The following KIF13A variants were observed in gnomAD, a reference collection of about 807,000 sequenced individuals.
KIF13A encodes the protein kinesin family member 13A.
In KIF13A, 79 loss-of-function variants were observed where a neutral mutation model predicts 212.2. That is an observed-to-expected ratio of 0.37 (90% confidence interval 0.31 to 0.45). The LOEUF (loss-of-function observed/expected upper bound fraction) is 0.45. KIF13A is among the 20% of genes least tolerant of loss of function. The probability of loss-of-function intolerance (pLI) is 1.00; values close to 1 mark genes in which losing one functional copy is unlikely to be tolerated. For synonymous variants in KIF13A, 789 were observed against 808.6 expected (o/e 0.98, Z 0.41); for missense variants, 1,901 against 2,209.0 (o/e 0.86, Z 2.79).
At position 17,874,997 on chromosome 6, in the gene KIF13A, A is replaced by ACG. The variant is rs1364744381; in HGVS notation, c.160-1562_160-1561dup. On this transcript the variant is annotated intron_variant, in intron 3 of 38. Transcript: ENST00000259711. ...TTCCACCACACACACACACACGCAC[A>ACG]CGCACGCACACACACACACACACAC... is the stretch of plus-strand genomic sequence containing the variant. Among the ~76,000 whole-genome samples the ACG allele has an allele frequency of 1.4e-4, 13 of 91,350 alleles. No individual in the cohort carries two copies. In the South Asian group the frequency reaches 2.4e-3, roughly 17 times the overall value. 59.9% of individuals were successfully genotyped at this position (91,350 alleles called of 152,430 possible).
intron 9 of KIF13A, among the ~76,000 whole-genome samples, chr6:17,842,036 T>G (rs557279016): frequency 6.7e-6 from 1 of 149,166 alleles, no homozygotes; most frequent in South Asian, 2.1e-4. Flanking sequence ...TGTGTGTGTA[T>G]ACACTTATAC....
chr6:17,876,543 T>C (rs1044217207), intron 3 of KIF13A, among the ~76,000 whole-genome samples: 2 of 152,184 alleles, frequency 1.3e-5, no homozygotes, highest in Admixed American at 1.3e-4. Flanking sequence ...CTTACAACAC[T>C]GTTTAGTCCT....
At chr6:17,887,550 T>C (rs1260182686) in intron 3 of KIF13A, among the ~76,000 whole-genome samples, 1 of 152,222 alleles carries the variant, frequency 6.6e-6, no homozygotes, top group East Asian at 1.9e-4. Flanking sequence ...CCAGATTAAG[T>C]CCAGACTCCC....
intron 2 of KIF13A, among the ~76,000 whole-genome samples, chr6:17,983,672 G>C (rs1781303067): frequency 6.6e-6 from 1 of 152,018 alleles, no homozygotes; most frequent in South Asian, 2.1e-4. Flanking sequence ...ATTTTTAGGA[G>C]AGACAGGGTT....
chr6:17,834,897 T>C lies in KIF13A; in HGVS notation c.1156-826A>G, dbSNP rs1441184228. Among the ~76,000 whole-genome samples, 2 of 151,956 alleles carry C rather than the reference T, an allele frequency of 1.3e-5. No homozygotes were observed. Among genetic ancestry groups the C allele is most frequent in the Non-Finnish European group, 2.9e-5 (2 of 67,984 alleles). On this transcript the variant is annotated intron_variant, in intron 11 of 38. Coordinates refer to ENST00000259711, the MANE Select transcript of KIF13A (RefSeq NM_022113.6). This position sits in a 1 kb window ranked among gnomAD's most constrained non-coding sequence, Gnocchi z 4.0. Reference sequence around the variant, plus strand: ...ATTTAGTGCTGAGTACAGTGGGACATATATGAAAATTATAGGCCAGGCCAA... The same window carrying C: ...ATTTAGTGCTGAGTACAGTGGGACACATATGAAAATTATAGGCCAGGCCAA...
At chr6:17,905,015 C>T (rs980258061) in intron 2 of KIF13A, among the ~76,000 whole-genome samples, 1 of 152,224 alleles carries the variant, frequency 6.6e-6, no homozygotes, top group East Asian at 1.9e-4. Context: ...TCTTCTAAGT[C>T]AAACTTGCCC....
At chr6:17,862,682 T>C (rs1206360708) in intron 4 of KIF13A, among the ~76,000 whole-genome samples, 1 of 151,912 alleles carries the variant, frequency 6.6e-6, no homozygotes, top group Non-Finnish European at 1.5e-5. Flanking sequence ...GGCATGGTGG[T>C]TCATACCTGT....
rs961521787 is a variant in KIF13A at position 17,900,552 on chromosome 6, C to T, written c.147-2372G>A. 3.3e-5 allele frequency among the ~76,000 whole-genome samples: 5 copies of T among 152,084 alleles called. No individual in the cohort carries two copies. The highest frequency in any genetic ancestry group is 1.2e-4 in the African/African-American group (5 of 41,406). On this transcript the variant is annotated intron_variant, in intron 2 of 38. Transcript: ENST00000259711. The surrounding 1 kb of genome is among the most constrained non-coding windows in gnomAD (Gnocchi z 4.6). ...TGCGAAGAAAAGAAAAAAGGGAAGC[C>T]ACAAAGCTCATCTGCTGCTACCCAA...
At chr6:17,985,640 T>TGGGG (rs1457148104) in intron 2 of KIF13A, among the ~76,000 whole-genome samples, 1 of 40,884 alleles carries the variant, frequency 2.4e-5, no homozygotes, top group African/African-American at 1.3e-4. Flanking sequence ...TGCGGGGGGG[T>TGGGG]GGGGGGAGGG....
At chr6:17,946,489 C>T (rs546787654) in intron 2 of KIF13A, among the ~76,000 whole-genome samples, 5 of 151,746 alleles carry the variant, frequency 3.3e-5, no homozygotes, top group Non-Finnish European at 7.4e-5. Context: ...AGAGCAGGTG[C>T]TTTTCAAAAG....
intron 17 of KIF13A, chr6:17,812,409 C>T (rs566984242): frequency 6.6e-6 from 1 of 152,200 alleles, no homozygotes; most frequent in African/African-American, 2.4e-5. Flanking sequence ...TTAGCTCTCA[C>T]TTATTAGTGA....
chr6:17,951,383 G>A lies in KIF13A; in HGVS notation c.146+35671C>T. The stretch of plus-strand genomic sequence containing the variant: ...TCGGCTCAAGTGATCCTCTTGCCTT[G>A]GCCTCCCAAAGTGCTGGAATTAGAG... On this transcript the variant is annotated intron_variant, in intron 2 of 38. Transcript: ENST00000259711. This position sits in a 1 kb window ranked among gnomAD's most constrained non-coding sequence, Gnocchi z 4.9. 4.8e-6 allele frequency: 3 copies of A among 627,248 alleles called. No homozygotes were observed. The highest frequency in any genetic ancestry group is 8.7e-6 in the Non-Finnish European group (3 of 346,536). 38.9% of individuals were successfully genotyped at this position (627,248 alleles called of 1,614,324 possible). A position where few individuals can be genotyped will look rare whatever the true frequency, so the allele number is the denominator to read the frequency against.
At chr6:17,881,648 G>A (rs775910383) in intron 3 of KIF13A, 7 of 348,894 alleles carry the variant, frequency 2.0e-5, no homozygotes, top group Non-Finnish European at 3.4e-5. Context: ...AGTGAGCTGC[G>A]ATTGCGCCAC....
intron 3 of KIF13A, among the ~76,000 whole-genome samples, chr6:17,874,940 G>A (rs996567297): frequency 1.3e-5 from 2 of 150,084 alleles, no homozygotes; most frequent in Admixed American, 6.7e-5. Context: ...TGCAAATGCC[G>A]TTAATTCATT....
intron 12 of KIF13A, among the ~76,000 whole-genome samples, chr6:17,831,653 T>C (rs1765464041): frequency 6.7e-6 from 1 of 149,306 alleles, no homozygotes; most frequent in African/African-American, 2.5e-5. Flanking sequence ...TCAACAGAAA[T>C]ATAAAGATAG....
rs1488411877 is a variant in KIF13A at position 17,899,430 on chromosome 6, A to G, written c.147-1250T>C. ...CAGAGGGCACGGAAAGGTATAGGCA[A>G]AACAGCAGGATGCTTTTTCTCCATC... On this transcript the variant is annotated intron_variant, in intron 2 of 38. Coordinates refer to ENST00000259711, the MANE Select transcript of KIF13A (RefSeq NM_022113.6). The surrounding 1 kb of genome is among the most constrained non-coding windows in gnomAD (Gnocchi z 5.2). Among the ~76,000 whole-genome samples the G allele has an allele frequency of 6.6e-6, 1 of 152,206 alleles. No individual in the cohort carries two copies.
At chr6:17,800,209 G>A (rs1762367029) in intron 20 of KIF13A, 96 bp from the exon 21 acceptor site, 1 of 1,173,314 alleles carries the variant, frequency 8.5e-7, no homozygotes, top group Non-Finnish European at 1.2e-6. Flanking sequence ...ACCTGGAGAG[G>A]GGCTCTGCAG....
chr6:17,985,685 C>G (rs1781498647), intron 2 of KIF13A, among the ~76,000 whole-genome samples: 1 of 144,842 alleles, frequency 6.9e-6, no homozygotes, highest in South Asian at 2.2e-4. Context: ...CTAATTTAAT[C>G]TGTAAATATT....
chr6:17,879,671 C>T (rs954934446), intron 3 of KIF13A, among the ~76,000 whole-genome samples: 5 of 152,170 alleles, frequency 3.3e-5, no homozygotes, highest in Non-Finnish European at 5.9e-5. Flanking sequence ...AAATTATGGC[C>T]GTTACTAATG....
Sources: gnomAD v4.1 joint callset for allele counts (sites outside exome capture counted in the v4.1 genomes callset) on GRCh38, gnomAD v4.1.1 for gene constraint, Gnocchi (gnomAD v3.1) non-coding constraint, MANE v1.5 for transcripts, NCBI Gene and HGNC (gene_info 2026-07-23, HGNC 2026-07-21) for gene names.